The following NPFFR2 variants were observed in gnomAD, a reference collection of about 807,000 sequenced individuals.
NPFFR2 encodes the protein neuropeptide FF receptor 2, also known as G-protein coupled receptor 74.
Under a neutral mutation model 13.1 loss-of-function variants are expected in NPFFR2, and 15 were observed. The ratio of observed to expected loss-of-function variants is 1.15; its 90% CI spans 0.77 to 1.76. NPFFR2 has a LOEUF of 1.76. NPFFR2 is among the 40% of genes most tolerant of loss of function. The pLI, the probability that NPFFR2 is intolerant of heterozygous loss-of-function variation, is 0.00. For missense variants in NPFFR2, 572 were observed against 503.5 expected, an observed-to-expected ratio of 1.14 and a Z score of -1.30; for synonymous variants, 190 against 175.7, an observed-to-expected ratio of 1.08 and a Z score of -0.65.
At chr4:72,056,949 A>G (rs1719766582) in intron 1 of NPFFR2, among the ~76,000 whole-genome samples, 1 of 151,890 alleles carries the variant, frequency 6.6e-6, no homozygotes, top group African/African-American at 2.4e-5. Flanking sequence ...TCTGTTTTTT[A>G]GAGGGAATCT....
At chr4:72,145,225 C>G (rs903650393) in intron 3 of NPFFR2, among the ~76,000 whole-genome samples, 2 of 148,616 alleles carry the variant, frequency 1.3e-5, no homozygotes, top group Admixed American at 6.8e-5. Flanking sequence ...TATATATACT[C>G]ATATATGTAC....
intron 3 of NPFFR2, among the ~76,000 whole-genome samples, chr4:72,138,585 A>G (rs1293838805): frequency 6.6e-6 from 1 of 152,208 alleles, no homozygotes; most frequent in African/African-American, 2.4e-5. Context: ...TGTAAAGGAC[A>G]TGAACTCATC....
chr4:72,111,999 C>CT (rs1169921159), intron 1 of NPFFR2, among the ~76,000 whole-genome samples: 5 of 151,960 alleles, frequency 3.3e-5, no homozygotes, highest in Admixed American at 1.3e-4. Flanking sequence ...CAGTTCCTGG[C>CT]TTTTTTACCA....
In NPFFR2 at chr4:72,054,875, A is replaced by G. The variant is rs536973301; in HGVS notation, c.-8+22675A>G. 5.9e-5 allele frequency among the ~76,000 whole-genome samples: 9 copies of G among 152,036 alleles called. No homozygotes were observed. The East Asian group carries it at 1.7e-3, about 29-fold the overall frequency. ...CAGAGTTCTGTCTTCATGAAAAAGA[A>G]AACTAAAAAACAATGAGACATCTCT... On this transcript the variant is annotated intron_variant, in intron 1 of 3. Coordinates refer to ENST00000308744, the MANE Select transcript of NPFFR2 (RefSeq NM_004885.3).
chr4:72,094,056 A>AGG (rs896499925), intron 1 of NPFFR2, among the ~76,000 whole-genome samples: 1 of 130,132 alleles, frequency 7.7e-6, no homozygotes, highest in African/African-American at 2.5e-5. Flanking sequence ...CCCTTTCCCT[A>AGG]GGGATGGGGC....
chr4:72,051,415 A>C (rs1263983771), intron 1 of NPFFR2, among the ~76,000 whole-genome samples: 1 of 152,018 alleles, frequency 6.6e-6, no homozygotes, highest in African/African-American at 2.4e-5. Flanking sequence ...AACGAAATGG[A>C]GGCAGAAATA....
chr4:72,064,270 C>T (rs904654741), intron 1 of NPFFR2, among the ~76,000 whole-genome samples: 5 of 152,234 alleles, frequency 3.3e-5, no homozygotes, highest in Admixed American at 6.5e-5. Context: ...ATCTCTCAGG[C>T]TGCCATCAAG....
intron 1 of NPFFR2, among the ~76,000 whole-genome samples, chr4:72,068,066 C>G (rs1402841178): frequency 9.2e-5 from 14 of 152,184 alleles, no homozygotes; most frequent in Non-Finnish European, 1.5e-5. Context: ...AGCCATTACC[C>G]AATTCCAAAT....
chr4:72,071,248 T>C (rs530596355), intron 1 of NPFFR2, among the ~76,000 whole-genome samples: 1 of 152,300 alleles, frequency 6.6e-6, no homozygotes, highest in East Asian at 1.9e-4. Context: ...GTCAATGCTG[T>C]ATGGTAAATA....
At chr4:72,062,035 T>A (rs1719934232) in intron 1 of NPFFR2, among the ~76,000 whole-genome samples, 1 of 151,954 alleles carries the variant, frequency 6.6e-6, no homozygotes, top group South Asian at 2.1e-4. Flanking sequence ...GCAAATAAAG[T>A]GATTAGGCAT....
In NPFFR2 at chr4:72,146,981, C is replaced by T. The variant is rs764682018; in HGVS notation, c.432C>T (p.Phe144=). ...TTATATTTGTGTTTAATTGCAGGTT[C>T]CAGTGTGTGGTCTACCCTTTTAAAC... ...FTLVAIAVDR[F]QCVVYPFKPK... The change falls in exon 4 of 4, where the codon TTC becomes TTT. Residue 144 remains phenylalanine, a synonymous_variant. Transcript: ENST00000308744. 1 of 1,601,776 alleles carries T rather than the reference C, an allele frequency of 6.2e-7. No individual in the cohort carries two copies.
intron 1 of NPFFR2, among the ~76,000 whole-genome samples, chr4:72,062,847 G>A (rs1286714797): frequency 6.6e-6 from 1 of 152,146 alleles, no homozygotes. Context: ...GAGGCCAGTT[G>A]AAATTAGCAA....
Position 72,147,211 on chromosome 4 carries a change from C to A in NPFFR2, c.662C>A (p.Thr221Asn). The A allele has an allele frequency of 6.2e-7, 1 of 1,614,176 alleles. No individual in the cohort carries two copies. ...PNQEMRKIYTTVLFANIYLAP... is the reference protein window; with the variant it reads ...PNQEMRKIYTNVLFANIYLAP... ...CAGGAAATGAGGAAGATCTACACCA[C>A]TGTGCTGTTTGCCAACATCTACCTG... Residue 221 changes from threonine (T) to asparagine (N), a missense_variant, in exon 4 of 4, where the codon ACT (threonine) becomes AAT (asparagine). Physicochemically the swap from Thr to Asn is moderately conservative, Grantham distance 65 (BLOSUM62 0). Transcript: ENST00000308744.
At chr4:72,116,955 T>C (rs977580873) in intron 1 of NPFFR2, among the ~76,000 whole-genome samples, 3 of 152,090 alleles carry the variant, frequency 2.0e-5, no homozygotes, top group African/African-American at 7.2e-5. Flanking sequence ...CAAACCTGCC[T>C]GTATCTGTCT....
intron 3 of NPFFR2, among the ~76,000 whole-genome samples, chr4:72,141,216 G>A (rs1722611135): frequency 6.6e-6 from 1 of 151,710 alleles, no homozygotes. Context: ...ACCAGCTCCT[G>A]GATTCATTAA....
At chr4:72,130,551 A>G (rs1722204132) in intron 2 of NPFFR2, among the ~76,000 whole-genome samples, 1 of 152,102 alleles carries the variant, frequency 6.6e-6, no homozygotes, top group South Asian at 2.1e-4. Flanking sequence ...ATTAAAAAAA[A>G]ATTTTATTGA....
chr4:72,124,953 A>G (rs1253797662), intron 1 of NPFFR2, among the ~76,000 whole-genome samples: 1 of 152,250 alleles, frequency 6.6e-6, no homozygotes, highest in East Asian at 1.9e-4. Context: ...GCTTCTGTGC[A>G]GCAAAAGAAA....
chr4:72,055,560 G>C (rs768124926), intron 1 of NPFFR2, among the ~76,000 whole-genome samples: 1 of 151,872 alleles, frequency 6.6e-6, no homozygotes, highest in African/African-American at 2.4e-5. Context: ...GCCTCTAAGT[G>C]TTTAGGTTAA....
intron 1 of NPFFR2, 24 bp from the exon 2 acceptor site, chr4:72,128,561 C>G: frequency 1.0e-5 from 15 of 1,455,300 alleles, no homozygotes; most frequent in Non-Finnish European, 1.4e-5. Context: ...TTATGTTTTT[C>G]TTTTCTGTCT....
Sources: gnomAD v4.1 joint callset for allele counts (sites outside exome capture counted in the v4.1 genomes callset) on GRCh38, gnomAD v4.1.1 for gene constraint, MANE v1.5 for transcripts, NCBI Gene and HGNC (gene_info 2026-07-23, HGNC 2026-07-21) for gene names.